The following PEAK1 variants were observed in gnomAD, a reference collection of about 807,000 sequenced individuals.
PEAK1 encodes inactive tyrosine-protein kinase PEAK1.
Under a neutral mutation model 124.7 loss-of-function variants are expected in PEAK1, and 54 were observed. The ratio of observed to expected loss-of-function variants is 0.43; its 90% confidence interval spans 0.35 to 0.54. The LOEUF (loss-of-function observed/expected upper bound fraction) is 0.54. Ranked by LOEUF, PEAK1 falls within the 20% of genes least tolerant of loss-of-function variation. The pLI is 0.01. For synonymous variants in PEAK1, 719 were observed against 760.0 expected, an observed-to-expected ratio of 0.95 and a Z score of 0.89; for missense variants, 2,046 against 2,134.5, an observed-to-expected ratio of 0.96 and a Z score of 0.82.
intron 6 of PEAK1, among the ~76,000 whole-genome samples, chr15:77,203,054 A>G (rs1181320456): frequency 6.6e-6 from 1 of 151,740 alleles, no homozygotes; most frequent in Non-Finnish European, 1.5e-5. Flanking sequence ...AAAAAAAAAA[A>G]GAAAAACATA....
Position 77,178,597 on chromosome 15 carries a change from A to C in PEAK1, c.3137+193T>G, listed in dbSNP as rs545017794. 1.4e-5 allele frequency: 9 copies of C among 622,000 alleles called. No homozygotes were observed. In the East Asian group the frequency reaches 2.2e-4, roughly 15 times the overall value. The allele number at this position is 622,000 out of a possible 1,614,324, so 38.5% of individuals were successfully genotyped here. A position where few individuals can be genotyped will look rare whatever the true frequency, so the allele number is the denominator to read the frequency against. On this transcript the variant is annotated intron_variant, in intron 7 of 9. Transcript: ENST00000682557. ...ACTTAAGCCAAAGATCCAGGGCTAT[A>C]AACCTTGTTCAGTGCAGTAAGATCA...
intron 6 of PEAK1, chr15:77,204,586 G>C (rs970133142): frequency 6.6e-6 from 1 of 152,406 alleles, no homozygotes; most frequent in Non-Finnish European, 1.5e-5. Context: ...ACTGAAGGAA[G>C]AGCCCAAGGA....
chr15:77,380,112 T>C (rs1004684228), intron 1 of PEAK1, among the ~76,000 whole-genome samples: 30 of 152,240 alleles, frequency 2.0e-4, no homozygotes, highest in African/African-American at 7.0e-4. Flanking sequence ...TGGTCTTTGT[T>C]ATATTCTTTG....
At position 77,133,455 on chromosome 15, in the gene PEAK1, T is replaced by C. The variant is rs1415562982; in HGVS notation, c.3627A>G (p.Gly1209=). The part of the protein sequence containing the change: ...AGSSISYELK[G]LDIESYDSLE... ...AGGAGTCATAAGACTCAATGTCCAG[T>C]CCTTTGAGTTCATAGCTGATGGAAG... The change falls in exon 9 of 10, where the codon GGA becomes GGG. Residue 1209 remains glycine, a synonymous_variant. Transcript: ENST00000682557. The surrounding 1 kb of genome is among the most constrained non-coding windows in gnomAD (Gnocchi z 4.2). 13 of 1,614,092 alleles carry C rather than the reference T, an allele frequency of 8.1e-6. No individual in the cohort carries two copies. The highest frequency in any genetic ancestry group is 1.1e-5 in the Non-Finnish European group (13 of 1,180,030).
At chr15:77,266,797 C>T (rs1473073642) in intron 5 of PEAK1, among the ~76,000 whole-genome samples, 1 of 152,172 alleles carries the variant, frequency 6.6e-6, no homozygotes, top group Non-Finnish European at 1.5e-5. Context: ...ACAACTACCA[C>T]AAGAACATAC....
intron 8 of PEAK1, among the ~76,000 whole-genome samples, chr15:77,140,701 G>C (rs896839090): frequency 2.0e-5 from 3 of 151,428 alleles, no homozygotes; most frequent in Non-Finnish European, 2.9e-5. Flanking sequence ...AAGGATTTGC[G>C]TTCTTGCCAT....
At position 77,115,990 on chromosome 15, in the gene PEAK1, T is replaced by A. The variant is rs558782117; in HGVS notation, c.4078-671A>T. Among the ~76,000 whole-genome samples, 253 of 152,224 alleles carry A rather than the reference T, an allele frequency of 1.7e-3. 1 individual carries two copies. The highest frequency in any genetic ancestry group is 2.8e-3 in the Non-Finnish European group (192 of 68,034). ...AGCCAACATTTCAATGGTGGTTTTC[T>A]GAGTTTTATGCTTTCTCTTAACAGG... On this transcript the variant is annotated intron_variant, in intron 9 of 9. Coordinates refer to ENST00000682557, the MANE Select transcript of PEAK1 (RefSeq NM_001385026.1).
intron 6 of PEAK1, among the ~76,000 whole-genome samples, chr15:77,250,046 T>C (rs1365003202): frequency 6.6e-6 from 1 of 150,986 alleles, no homozygotes; most frequent in Non-Finnish European, 1.5e-5. Flanking sequence ...TGTGGCCACA[T>C]GTCTACCAGT....
chr15:77,192,819 G>A (rs1310788867), intron 6 of PEAK1, among the ~76,000 whole-genome samples: 1 of 151,696 alleles, frequency 6.6e-6, no homozygotes, highest in South Asian at 2.1e-4. Context: ...TAGGCCGAAC[G>A]GTCCTTACCT....
At chr15:77,228,948 G>A (rs916509081) in intron 6 of PEAK1, among the ~76,000 whole-genome samples, 1 of 152,098 alleles carries the variant, frequency 6.6e-6, no homozygotes, top group African/African-American at 2.4e-5. Context: ...TTCTGCCATA[G>A]GGGACTCTTT....
chr15:77,166,661 T>C (rs2056121477), intron 7 of PEAK1, among the ~76,000 whole-genome samples: 1 of 152,236 alleles, frequency 6.6e-6, no homozygotes, highest in Non-Finnish European at 1.5e-5. Flanking sequence ...CCCAGAGAGA[T>C]TAAGTTACTT....
intron 2 of PEAK1, among the ~76,000 whole-genome samples, chr15:77,299,713 G>T (rs1252612100): frequency 2.0e-5 from 3 of 152,140 alleles, no homozygotes; most frequent in Non-Finnish European, 4.4e-5. Flanking sequence ...TTTCAGTTAT[G>T]CATTTTTGAA....
chr15:77,418,519 A>T (rs1436476940), intron 1 of PEAK1: 25 of 984,986 alleles, frequency 2.5e-5, no homozygotes, highest in Admixed American at 6.1e-5. Flanking sequence ...TCCATTGTTC[A>T]TCTCTGGGCT....
At chr15:77,300,259 G>A (rs2063718323) in intron 2 of PEAK1, among the ~76,000 whole-genome samples, 2 of 152,210 alleles carry the variant, frequency 1.3e-5, no homozygotes, top group Non-Finnish European at 2.9e-5. Flanking sequence ...AGCTGAAGAG[G>A]TCTGTTTTCC....
chr15:77,390,297 G>A (rs572117564), intron 1 of PEAK1, among the ~76,000 whole-genome samples: 1 of 152,284 alleles, frequency 6.6e-6, no homozygotes, highest in Admixed American at 6.5e-5. Flanking sequence ...AAAAAGAAAG[G>A]ATTACATCCA....
At chr15:77,279,803 G>A (rs909784697) in intron 5 of PEAK1, among the ~76,000 whole-genome samples, 79 of 152,210 alleles carry the variant, frequency 5.2e-4, no homozygotes, top group African/African-American at 1.9e-3. Flanking sequence ...GATTATTTAT[G>A]GAAGGTATCT....
At position 77,381,262 on chromosome 15, in the gene PEAK1, A is replaced by T. The variant is rs1192167678; in HGVS notation, c.-665-16037T>A. 5.1e-6 allele frequency: 5 copies of T among 974,078 alleles called. No homozygotes were observed. The African/African-American group carries it at 5.3e-5, about 10-fold the overall frequency. 60.3% of individuals were successfully genotyped at this position (974,078 alleles called of 1,614,324 possible). On this transcript the variant is annotated intron_variant, in intron 1 of 9. Coordinates refer to ENST00000682557, the MANE Select transcript of PEAK1 (RefSeq NM_001385026.1). ...GACATAATTGATCCTTAAAGAATAC[A>T]GCAATGGCCAGATGCAGTGATGTGT...
At chr15:77,232,336 CACTG>C (rs2059942855) in intron 6 of PEAK1, among the ~76,000 whole-genome samples, 1 of 152,086 alleles carries the variant, frequency 6.6e-6, no homozygotes, top group African/African-American at 2.4e-5. Context: ...CACACACACA[CACTG>C]TGCCAACTGT....
At chr15:77,371,608 C>T (rs776340728) in intron 1 of PEAK1, among the ~76,000 whole-genome samples, 1 of 152,224 alleles carries the variant, frequency 6.6e-6, no homozygotes, top group East Asian at 1.9e-4. Context: ...TTAACAGAAG[C>T]TGGGCGCAGT....
Sources: allele counts gnomAD v4.1 joint callset (sites outside exome capture counted in the v4.1 genomes callset), GRCh38; gene constraint gnomAD v4.1.1; non-coding constraint Gnocchi (gnomAD v3.1); transcripts MANE v1.5; gene names NCBI Gene and HGNC (gene_info 2026-07-23, HGNC 2026-07-21).